Variants in CUL1 observed in about 807,000 individuals in gnomAD.
CUL1 encodes cullin-1.
In CUL1, 24 loss-of-function variants were observed where a neutral mutation model predicts 118.0. The ratio of observed to expected loss-of-function variants is 0.20; its 90% confidence interval spans 0.15 to 0.29. The LOEUF (loss-of-function observed/expected upper bound fraction) is 0.29. Among genes scored for constraint, CUL1 ranks in the 10% least tolerant of loss-of-function variants. The pLI, the probability that CUL1 is intolerant of heterozygous loss-of-function variation, is 1.00. For missense variants in CUL1, 361 were observed against 933.8 expected (o/e 0.39, Z 7.99); for synonymous variants, 332 against 340.4 (o/e 0.98, Z 0.27).
intron 11 of CUL1, among the ~76,000 whole-genome samples, chr7:148,786,200 T>C (rs1471634079): frequency 6.6e-6 from 1 of 152,226 alleles, no homozygotes; most frequent in Non-Finnish European, 1.5e-5. Flanking sequence ...AAAGTTAAAT[T>C]ACAGCAGACT....
At chr7:148,779,652 T>A (rs1334736977) in intron 9 of CUL1, among the ~76,000 whole-genome samples, 1 of 152,170 alleles carries the variant, frequency 6.6e-6, no homozygotes, top group Non-Finnish European at 1.5e-5. Flanking sequence ...CGGAGAGTGA[T>A]ACAGTCATGG....
chr7:148,699,350 C>G (rs1797636310), intron 1 of CUL1, among the ~76,000 whole-genome samples: 1 of 151,916 alleles, frequency 6.6e-6, no homozygotes, highest in African/African-American at 2.4e-5. Flanking sequence ...CCTGGTGGCG[C>G]CGGCCCCTTT....
chr7:148,775,358 A>G (rs1800361595), intron 9 of CUL1, among the ~76,000 whole-genome samples: 1 of 152,194 alleles, frequency 6.6e-6, no homozygotes, highest in African/African-American at 2.4e-5. Context: ...CACATGGATA[A>G]AGTCAGCTTA....
chr7:148,762,927 G>T (rs1394483876), intron 7 of CUL1, among the ~76,000 whole-genome samples: 1 of 152,178 alleles, frequency 6.6e-6, no homozygotes, highest in Admixed American at 6.5e-5. Context: ...TGGGCAGATT[G>T]CCTGAGGTCG....
At chr7:148,749,272 C>T (rs186406348) in intron 2 of CUL1, among the ~76,000 whole-genome samples, 1 of 151,986 alleles carries the variant, frequency 6.6e-6, no homozygotes, top group Non-Finnish European at 1.5e-5. Flanking sequence ...CGAAAATTAG[C>T]TGGGCGTGGT....
At chr7:148,767,468 T>C in intron 8 of CUL1, 151 bp from the exon 9 acceptor site, 2 of 665,926 alleles carry the variant, frequency 3.0e-6, no homozygotes, top group Non-Finnish European at 5.0e-6. Flanking sequence ...ATAGAGAATA[T>C]TTGGTTATAA....
rs1798199654 is a variant in CUL1, at chr7:148,715,919, A to G, written c.-161-14043A>G. Reference sequence around the variant, plus strand: ...CCTTTACTCCTGGGGTTTTGCTAGTATGAGAATTTTTAAACTGAGTGTTTA... The same window carrying G: ...CCTTTACTCCTGGGGTTTTGCTAGTGTGAGAATTTTTAAACTGAGTGTTTA... On this transcript the variant is annotated intron_variant, in intron 1 of 21. Transcript: ENST00000325222. Among the ~76,000 whole-genome samples, 3 of 152,302 alleles carry G rather than the reference A, an allele frequency of 2.0e-5. No homozygotes were observed. The South Asian group carries it at 6.2e-4, about 32-fold the overall frequency.
intron 16 of CUL1, among the ~76,000 whole-genome samples, chr7:148,791,403 C>T (rs1801004528): frequency 6.6e-6 from 1 of 152,196 alleles, no homozygotes; most frequent in South Asian, 2.1e-4. Flanking sequence ...TGTTAAAATG[C>T]ATAGTATTAT....
chr7:148,775,955 C>G (rs1800380576), intron 9 of CUL1, among the ~76,000 whole-genome samples: 1 of 151,634 alleles, frequency 6.6e-6, no homozygotes, highest in Non-Finnish European at 1.5e-5. Context: ...TGGGACAGTA[C>G]CCAAGAGTGG....
chr7:148,746,912 C>CT (rs1346859327), intron 2 of CUL1, among the ~76,000 whole-genome samples: 2 of 152,312 alleles, frequency 1.3e-5, no homozygotes, highest in East Asian at 1.9e-4. Context: ...GCTGCGTACT[C>CT]TATCTTCAGG....
In CUL1 at chr7:148,790,321, T is replaced by C. The variant is rs1391573079; in HGVS notation, c.1686T>C (p.Ser562=). Residue 562 remains serine (S), a synonymous_variant, in exon 16 of 22, where the codon AGT becomes AGC. Coordinates refer to ENST00000325222, the MANE Select transcript of CUL1 (RefSeq NM_003592.3). The part of the protein sequence containing the change: ...TFALPSELER[S]YQRFTAFYAS... ...GTCCTTTTATCTAGTTGGAACGTAG[T>C]TATCAGCGATTCACAGCTTTCTACG... 13 of 1,614,080 alleles carry C rather than the reference T, an allele frequency of 8.1e-6. No individual in the cohort carries two copies. The highest frequency in any genetic ancestry group is 1.7e-5 in the Admixed American group (1 of 60,004).
chr7:148,732,258 G>A (rs1208206174), intron 2 of CUL1, among the ~76,000 whole-genome samples: 2 of 152,152 alleles, frequency 1.3e-5, no homozygotes, highest in Admixed American at 1.3e-4. Context: ...AGAGCTCAAG[G>A]AGGTGTCATT....
intron 21 of CUL1, among the ~76,000 whole-genome samples, chr7:148,799,725 A>G (rs1801325279): frequency 6.6e-6 from 1 of 152,158 alleles, no homozygotes; most frequent in Non-Finnish European, 1.5e-5. Context: ...TGACACCATA[A>G]AACAGTTTTG....
intron 11 of CUL1, among the ~76,000 whole-genome samples, chr7:148,785,477 G>A (rs901814902): frequency 2.6e-5 from 4 of 151,368 alleles, no homozygotes; most frequent in Admixed American, 6.6e-5. Context: ...TCATGCCTTA[G>A]CCTCCTGAGC....
At chr7:148,701,781 AGTT>A (rs1378294034) in intron 1 of CUL1, among the ~76,000 whole-genome samples, 1 of 152,158 alleles carries the variant, frequency 6.6e-6, no homozygotes, top group Non-Finnish European at 1.5e-5. Context: ...TAAATTGAGG[AGTT>A]GTTACTTGCC....
intron 1 of CUL1, among the ~76,000 whole-genome samples, chr7:148,723,110 TCA>T (rs1798447488): frequency 6.6e-6 from 1 of 152,248 alleles, no homozygotes; most frequent in Admixed American, 6.5e-5. Context: ...ACTTACAAGG[TCA>T]CACAGTTTTA....
intron 1 of CUL1, among the ~76,000 whole-genome samples, chr7:148,709,556 TTA>T (rs1279443202): frequency 6.6e-6 from 1 of 152,238 alleles, no homozygotes; most frequent in Non-Finnish European, 1.5e-5. Flanking sequence ...GAACATGCAT[TTA>T]TGTTTTTCAA....
intron 9 of CUL1, among the ~76,000 whole-genome samples, chr7:148,781,783 T>A (rs1461661452): frequency 2.0e-5 from 3 of 152,190 alleles, no homozygotes; most frequent in African/African-American, 7.2e-5. Context: ...GTGGTCAGGC[T>A]GCCAGGTGGG....
At chr7:148,741,230 T>C (rs1799129489) in intron 2 of CUL1, among the ~76,000 whole-genome samples, 1 of 152,268 alleles carries the variant, frequency 6.6e-6, no homozygotes, top group African/African-American at 2.4e-5. Context: ...TACAGGTTTC[T>C]ATGTAGACAT....
Sources: gnomAD v4.1 joint callset for allele counts (sites outside exome capture counted in the v4.1 genomes callset) on GRCh38, gnomAD v4.1.1 for gene constraint, MANE v1.5 for transcripts, NCBI Gene and HGNC (gene_info 2026-07-23, HGNC 2026-07-21) for gene names.